The following LRRK1 variants were observed in gnomAD, a reference collection of about 807,000 sequenced individuals.
The protein encoded by LRRK1 is leucine rich repeat kinase 1, also known as leucine-rich repeat serine/threonine-protein kinase 1.
LRRK1 carries 113 observed loss-of-function variants against 209.1 expected under a neutral mutation model. The observed-to-expected ratio is 0.54, with a 90% CI of 0.46 to 0.63. The LOEUF is 0.63. LRRK1 is among the 30% of genes least tolerant of loss of function. The pLI is 0.00. For missense variants in LRRK1, 2,284 were observed against 2,632.2 expected (o/e 0.87, Z 2.89); for synonymous variants, 1,144 against 1,099.7 (o/e 1.04, Z -0.80).
At chr15:100,921,200 G>A (rs1249833590) in intron 1 of LRRK1, among the ~76,000 whole-genome samples, 1 of 152,204 alleles carries the variant, frequency 6.6e-6, no homozygotes, top group East Asian at 1.9e-4. Flanking sequence ...TGTACAGGGA[G>A]ATACCCCGTG....
chr15:100,982,093 ACT>A (rs2031635764), intron 3 of LRRK1, among the ~76,000 whole-genome samples: 2 of 150,894 alleles, frequency 1.3e-5, no homozygotes, highest in South Asian at 4.2e-4. Flanking sequence ...GCCCAGTCCC[ACT>A]CTCACACACA....
chr15:101,053,605 G>A (rs1017491056), intron 26 of LRRK1, among the ~76,000 whole-genome samples, 185 bp downstream of exon 26: 1 of 152,238 alleles, frequency 6.6e-6, no homozygotes, highest in Admixed American at 6.5e-5. Context: ...ACTAGGCAGA[G>A]CCTTGGCGAG....
chr15:101,060,674 G>A (rs1265842526), intron 29 of LRRK1, among the ~76,000 whole-genome samples: 1 of 152,266 alleles, frequency 6.6e-6, no homozygotes. Context: ...CAGCCTGAGG[G>A]GAGACAGCGA....
At position 101,068,908 on chromosome 15, in the gene LRRK1, C is replaced by G. The variant is rs2141169021; in HGVS notation, c.*60C>G. On this transcript the variant is annotated 3_prime_UTR_variant, in exon 34 of 34. Coordinates refer to ENST00000388948, the MANE Select transcript of LRRK1 (RefSeq NM_024652.6). ...CTGGCCCGGGGCTGCAGCCTGACCC[C>G]TCTGCCATCGGCCTCTAGTTCTCCA... The G allele has an allele frequency of 6.8e-7, 1 of 1,478,096 alleles. No individual in the cohort carries two copies. Among genetic ancestry groups the G allele is most frequent in the South Asian group, 1.3e-5 (1 of 75,072 alleles). The allele number at this position is 1,478,096 out of a possible 1,614,324, so 91.6% of individuals were successfully genotyped here.
At chr15:101,011,207 G>A (rs2033221001) in intron 9 of LRRK1, among the ~76,000 whole-genome samples, 1 of 152,024 alleles carries the variant, frequency 6.6e-6, no homozygotes, top group Non-Finnish European at 1.5e-5. Flanking sequence ...TATGGCTCAT[G>A]CCTGTAATCC....
At chr15:100,972,479 A>G (rs2030985731) in intron 2 of LRRK1, among the ~76,000 whole-genome samples, 2 of 152,006 alleles carry the variant, frequency 1.3e-5, no homozygotes, top group African/African-American at 2.4e-5. Context: ...GTGTTTTTCA[A>G]GAAAACTTAT....
At chr15:101,015,446 G>A in intron 12 of LRRK1, 44 bp downstream of exon 12, 1 of 1,475,742 alleles carries the variant, frequency 6.8e-7, no homozygotes, top group Non-Finnish European at 9.4e-7. Flanking sequence ...GAGACAGCCG[G>A]GGTAGCCTGG....
In LRRK1 at chr15:101,054,967, G is replaced by A; in HGVS notation, c.4076G>A (p.Gly1359Glu). The change falls in exon 27 of 34, where the codon GGA becomes GAA. Residue 1359 changes from glycine (G) to glutamate (E), a missense_variant. Gly to Glu is a moderately conservative substitution (Grantham distance 98). Around this residue, in one of 6 missense-constraint regions of LRRK1, gnomAD observed 780 missense variants for 985.2 expected, o/e 0.79. Transcript: ENST00000388948. ...CAAGATTCTTCCTTTATACCCCTGG[G>A]ACACATGCTCACCCAAAAAATAGCC... is the stretch of plus-strand genomic sequence containing the variant. ...NARDSSFIPL[G>E]HMLTQKIAYQ... is the part of the protein sequence containing the mutation. The A allele has an allele frequency of 6.2e-7, 1 of 1,612,482 alleles. No individual in the cohort carries two copies. The highest frequency in any genetic ancestry group is 8.5e-7 in the Non-Finnish European group (1 of 1,179,362).
In LRRK1 at chr15:101,046,062, G is replaced by T. The variant is rs754811151; in HGVS notation, c.3045G>T (p.Gln1015His). Residue 1015 changes from glutamine (Q) to histidine (H), a missense_variant, in exon 21 of 34, where the codon CAG becomes CAT. Coordinates refer to ENST00000388948, the MANE Select transcript of LRRK1 (RefSeq NM_024652.6). ...GGCACCCCACAGCCAACACCATTCA[G>T]AGGGTATTTAAGATGAGCTTCGTTC... is the stretch of plus-strand genomic sequence containing the variant. ...GMRHPTANTI[Q>H]RVFKMSFVPV... is the part of the protein sequence containing the mutation. 3.1e-6 allele frequency: 5 copies of T among 1,614,118 alleles called. No homozygotes were observed. The Admixed American group carries it at 8.3e-5, about 27-fold the overall frequency.
At chr15:100,929,415 C>A (rs1046791167) in intron 2 of LRRK1, among the ~76,000 whole-genome samples, 34 of 152,178 alleles carry the variant, frequency 2.2e-4, no homozygotes, top group Admixed American at 2.2e-3. Context: ...CTTCAAATCC[C>A]AGGTTGTTTC....
chr15:101,054,186 G>A (rs1460872711), intron 26 of LRRK1, among the ~76,000 whole-genome samples: 1 of 152,096 alleles, frequency 6.6e-6, no homozygotes, highest in Non-Finnish European at 1.5e-5. Flanking sequence ...TGTTGCCCAG[G>A]TCGTTCTCGA....
chr15:101,039,690 A>G (rs924002943), intron 20 of LRRK1, among the ~76,000 whole-genome samples: 13 of 152,186 alleles, frequency 8.5e-5, no homozygotes, highest in African/African-American at 3.1e-4. Context: ...GTCTTTCACC[A>G]TCAAGTGTGA....
chr15:101,034,647 G>C (rs749316769), intron 20 of LRRK1, among the ~76,000 whole-genome samples: 1 of 151,998 alleles, frequency 6.6e-6, no homozygotes, highest in Non-Finnish European at 1.5e-5. Flanking sequence ...TGCTGTTTTG[G>C]TTACTATAGC....
intron 5 of LRRK1, 32 bp from the exon 6 acceptor site, chr15:100,989,218 A>T: frequency 6.3e-7 from 1 of 1,588,164 alleles, no homozygotes; most frequent in Non-Finnish European, 8.6e-7. Flanking sequence ...TAGCATCTGC[A>T]TGCCCTTAGC....
In LRRK1 at chr15:101,053,217, T is replaced by A. The variant is rs200349117; in HGVS notation, c.3857-6T>A. ...CTACTGGCTGACACTGCGCTGTCCCTGGCAGACACCATGCTGAGGCACCTG... is the reference window on the plus strand; with the variant it reads ...CTACTGGCTGACACTGCGCTGTCCCAGGCAGACACCATGCTGAGGCACCTG... On this transcript the variant is annotated splice_polypyrimidine_tract_variant and splice_region_variant and intron_variant, in intron 25 of 33. Coordinates refer to ENST00000388948, the MANE Select transcript of LRRK1 (RefSeq NM_024652.6). 1.2e-6 allele frequency: 2 copies of A among 1,604,528 alleles called. No homozygotes were observed. The highest frequency in any genetic ancestry group is 2.7e-5 in the African/African-American group (2 of 74,928).
intron 2 of LRRK1, among the ~76,000 whole-genome samples, chr15:100,954,204 G>A (rs992933668): frequency 7.9e-5 from 12 of 152,092 alleles, no homozygotes; most frequent in African/African-American, 2.2e-4. Context: ...GTGAGTCACC[G>A]TGCCCGGCCT....
At position 101,022,816 on chromosome 15, in the gene LRRK1, C is replaced by T. The variant is rs916294920; in HGVS notation, c.2067+219C>T. ...TGATGTTTTCTTTTTCTTTACTTTT[C>T]TTTTTTTTTTTTCTTGAGACAGGGT... On this transcript the variant is annotated intron_variant, in intron 15 of 33. Transcript: ENST00000388948. This position sits in a 1 kb window ranked among gnomAD's most constrained non-coding sequence, Gnocchi z 4.0. 3.3e-4 allele frequency among the ~76,000 whole-genome samples: 48 copies of T among 146,800 alleles called. No homozygotes were observed. Among genetic ancestry groups the T allele is most frequent in the Non-Finnish European group, 5.9e-4 (39 of 66,288 alleles).
At chr15:100,962,794 CATATAT>C (rs769399875) in intron 2 of LRRK1, among the ~76,000 whole-genome samples, 395 of 39,388 alleles carry the variant, frequency 0.01, 36 homozygotes, top group African/African-American at 0.027. Context: ...TTTCATTTTG[CATATAT>C]ATATATATAT....
intron 2 of LRRK1, among the ~76,000 whole-genome samples, chr15:100,928,138 A>G (rs897208845): frequency 3.3e-5 from 5 of 152,212 alleles, no homozygotes; most frequent in Non-Finnish European, 7.3e-5. Context: ...CAGACGAATA[A>G]TATTGCAAGT....
Sources: allele counts gnomAD v4.1 joint callset (sites outside exome capture counted in the v4.1 genomes callset), GRCh38; gene constraint gnomAD v4.1.1; regional missense constraint gnomAD v4.1.1; non-coding constraint Gnocchi (gnomAD v3.1); transcripts MANE v1.5; gene names NCBI Gene and HGNC (gene_info 2026-07-23, HGNC 2026-07-21).